SPINK4: variants seen among roughly 807,000 people sequenced by gnomAD.
SPINK4 encodes the protein serine protease inhibitor Kazal-type 4.
A neutral mutation model predicts 12.3 loss-of-function variants in SPINK4; 10 were observed. The ratio of observed to expected loss-of-function variants is 0.81; its 90% CI spans 0.50 to 1.37. The LOEUF (loss-of-function observed/expected upper bound fraction) is 1.37. Ranked by LOEUF, SPINK4 falls within the 40% of genes most tolerant of loss-of-function variation. The pLI is 0.00. For synonymous variants in SPINK4, 37 were observed against 40.2 expected, an observed-to-expected ratio of 0.92 and a Z score of 0.30; for missense variants, 91 against 109.0, an observed-to-expected ratio of 0.84 and a Z score of 0.73.
intron 1 of SPINK4, among the ~76,000 whole-genome samples, chr9:33,242,685 C>T (rs1377698652): frequency 6.6e-6 from 1 of 152,116 alleles, no homozygotes; most frequent in African/African-American, 2.4e-5. Context: ...AGTTAAATAT[C>T]AAGAAATGCA....
At chr9:33,246,020 C>T (rs1820281665) in intron 2 of SPINK4, among the ~76,000 whole-genome samples, 1 of 152,198 alleles carries the variant, frequency 6.6e-6, no homozygotes. Context: ...CCAGTCCTGA[C>T]TGAGTTCTCA....
chr9:33,240,517 G>A (rs567922098), intron 1 of SPINK4, among the ~76,000 whole-genome samples: 12 of 152,350 alleles, frequency 7.9e-5, no homozygotes, highest in Admixed American at 7.2e-4. Flanking sequence ...TTCTCCAGCT[G>A]TAAAAGAGGG....
intron 3 of SPINK4, among the ~76,000 whole-genome samples, chr9:33,247,341 T>G (rs1389026234): frequency 6.7e-6 from 1 of 149,628 alleles, no homozygotes; most frequent in South Asian, 2.1e-4. Flanking sequence ...TTTTTTTTTG[T>G]ATTTTAAGTA....
chr9:33,241,257 G>C (rs894788125), intron 1 of SPINK4, among the ~76,000 whole-genome samples: 6 of 152,040 alleles, frequency 3.9e-5, no homozygotes, highest in Admixed American at 6.6e-5. Context: ...GGAGATGAGA[G>C]AGGCAAATTG....
At chr9:33,243,502 C>T (rs1820259292) in intron 1 of SPINK4, among the ~76,000 whole-genome samples, 1 of 152,142 alleles carries the variant, frequency 6.6e-6, no homozygotes, top group African/African-American at 2.4e-5. Flanking sequence ...GATTAGTTGG[C>T]CTGTTCTAGG....
chr9:33,247,408 T>C (rs1019371700), intron 3 of SPINK4, among the ~76,000 whole-genome samples: 16 of 151,378 alleles, frequency 1.1e-4, no homozygotes, highest in African/African-American at 3.4e-4. Flanking sequence ...TCTCAAGTGA[T>C]CCACCCGCCT....
chr9:33,245,949 C>T (rs1488789008), intron 2 of SPINK4, among the ~76,000 whole-genome samples: 3 of 152,170 alleles, frequency 2.0e-5, no homozygotes, highest in Admixed American at 6.5e-5. Context: ...TTCTAGGGTT[C>T]GGGCCTTCAC....
chr9:33,246,207 T>C (rs1820283546), intron 2 of SPINK4, among the ~76,000 whole-genome samples: 1 of 151,468 alleles, frequency 6.6e-6, no homozygotes. Flanking sequence ...CTGGGAATGA[T>C]GGGTGGTTCC....
At chr9:33,246,793 G>A (rs1459099232) in intron 3 of SPINK4, 65 bp downstream of exon 3, 2 of 1,428,806 alleles carry the variant, frequency 1.4e-6, no homozygotes, top group Non-Finnish European at 2.0e-6. Flanking sequence ...AGTCTGAAAG[G>A]AGCAAGACTT....
intron 3 of SPINK4, 99 bp downstream of exon 3, chr9:33,246,827 G>A (rs999028333): frequency 2.3e-5 from 23 of 1,009,696 alleles, no homozygotes; most frequent in Non-Finnish European, 3.4e-5. Flanking sequence ...CTTCATACAC[G>A]CTTGACCTGA....
intron 1 of SPINK4, among the ~76,000 whole-genome samples, chr9:33,243,492 G>A (rs777365386): frequency 5.3e-5 from 8 of 152,164 alleles, no homozygotes; most frequent in Non-Finnish European, 1.2e-4. Context: ...TTCCATCATA[G>A]ATTAGTTGGC....
intron 3 of SPINK4, chr9:33,247,702 T>A (rs947299630): frequency 4.6e-5 from 7 of 152,268 alleles, no homozygotes; most frequent in African/African-American, 1.4e-4. Context: ...GAACATGACC[T>A]CCCTACATCA....
In SPINK4 at chr9:33,248,331, C is replaced by T. The variant is rs943984946; in HGVS notation, c.216-95C>T. On this transcript the variant is annotated intron_variant, in intron 3 of 3. Transcript: ENST00000379721. ...CCATACACTGCATATGTGGGCGACG[C>T]TCAGCAGGATGTCTGGATGGACTGT... 4 of 1,343,746 alleles carry T rather than the reference C, an allele frequency of 3.0e-6. No individual in the cohort carries two copies. The African/African-American group carries it at 5.7e-5, about 19-fold the overall frequency. 83.2% of individuals were successfully genotyped at this position (1,343,746 alleles called of 1,614,324 possible). A position where few individuals can be genotyped will look rare whatever the true frequency, so the allele number is the denominator to read the frequency against.
chr9:33,242,876 C>CT (rs59110651), intron 1 of SPINK4, among the ~76,000 whole-genome samples: 14,083 of 139,158 alleles, frequency 0.1, 930 homozygotes, highest in African/African-American at 0.19. Flanking sequence ...TGCTCTGACA[C>CT]TTTTTTTTTT....
chr9:33,241,280 G>C (rs1323300984), intron 1 of SPINK4, among the ~76,000 whole-genome samples: 1 of 152,206 alleles, frequency 6.6e-6, no homozygotes, highest in Non-Finnish European at 1.5e-5. Flanking sequence ...ACTGTACCGG[G>C]AAAGACCTTG....
intron 2 of SPINK4, 128 bp downstream of exon 2, chr9:33,245,280 G>T: frequency 1.0e-6 from 1 of 975,004 alleles, no homozygotes; most frequent in Non-Finnish European, 1.5e-6. Context: ...GGTGGCCAAG[G>T]TGGCCTCCTG....
At chr9:33,246,768 C>A in intron 3 of SPINK4, 40 bp downstream of exon 3, 1 of 1,566,560 alleles carries the variant, frequency 6.4e-7, no homozygotes, top group Non-Finnish European at 8.8e-7. Context: ...TGGGTGGGCC[C>A]CATCTCTGGT....
chr9:33,245,206 G>A lies in SPINK4; in HGVS notation c.102+54G>A, dbSNP rs187679137. The A allele has an allele frequency of 7.3e-5, 113 of 1,552,710 alleles. No individual in the cohort carries two copies. In the African/African-American group the frequency reaches 1.2e-3, roughly 17 times the overall value. ...TCTCTCTGCTGAGAGGAGTCCTCTCGTCCATGCTGAGAAACCAGTTATTCT... is the reference window on the plus strand; with the variant it reads ...TCTCTCTGCTGAGAGGAGTCCTCTCATCCATGCTGAGAAACCAGTTATTCT... On this transcript the variant is annotated intron_variant, in intron 2 of 3. Transcript: ENST00000379721.
At chr9:33,241,699 G>GT (rs937327175) in intron 1 of SPINK4, among the ~76,000 whole-genome samples, 1 of 132,672 alleles carries the variant, frequency 7.5e-6, no homozygotes, top group Non-Finnish European at 1.6e-5. Context: ...TTTTGTTTTT[G>GT]TTTTTTGCAC....
Sources: allele counts gnomAD v4.1 joint callset (sites outside exome capture counted in the v4.1 genomes callset), GRCh38; gene constraint gnomAD v4.1.1; transcripts MANE v1.5; gene names NCBI Gene and HGNC (gene_info 2026-07-23, HGNC 2026-07-21).